TBC1D22A: variants seen among roughly 807,000 people sequenced by gnomAD.
TBC1D22A encodes the protein putative GTPase activator.
Under a neutral mutation model 60.2 loss-of-function variants are expected in TBC1D22A, and 38 were observed. The ratio of observed to expected loss-of-function variants is 0.63; its 90% CI spans 0.49 to 0.83. The LOEUF (loss-of-function observed/expected upper bound fraction) is 0.83, where lower values mean the gene tolerates loss of function less well. Ranked by LOEUF, TBC1D22A falls within the 40% of genes least tolerant of loss-of-function variation. The pLI, the probability that TBC1D22A is intolerant of heterozygous loss-of-function variation, is 0.00. For synonymous variants in TBC1D22A, 302 were observed against 281.7 expected (o/e 1.07, Z -0.72); for missense variants, 628 against 701.0 (o/e 0.90, Z 1.18).
At chr22:47,154,409 C>T (rs147359725) in intron 12 of TBC1D22A, among the ~76,000 whole-genome samples, 17 of 152,272 alleles carry the variant, frequency 1.1e-4, no homozygotes, top group Non-Finnish European at 2.1e-4. Flanking sequence ...TTGTCACGCG[C>T]GGGACACTGT....
intron 9 of TBC1D22A, among the ~76,000 whole-genome samples, chr22:46,991,661 A>G (rs145101071): frequency 0.013 from 2,042 of 152,236 alleles, 21 homozygotes; most frequent in Middle Eastern, 0.034. Flanking sequence ...CATTGTTTCT[A>G]CATCATCTTT....
At chr22:46,837,680 G>T (rs1225345554) in intron 4 of TBC1D22A, among the ~76,000 whole-genome samples, 1 of 152,194 alleles carries the variant, frequency 6.6e-6, no homozygotes, top group Non-Finnish European at 1.5e-5. Flanking sequence ...TGAGGCAAAT[G>T]AAAATGGAAA....
chr22:46,771,720 G>C (rs947433887), intron 1 of TBC1D22A, among the ~76,000 whole-genome samples: 1 of 151,688 alleles, frequency 6.6e-6, no homozygotes, highest in African/African-American at 2.4e-5. Flanking sequence ...TCAGCCTCCC[G>C]AGTGGCTGGG....
chr22:46,887,570 C>T (rs762831151), intron 5 of TBC1D22A, among the ~76,000 whole-genome samples: 10 of 152,134 alleles, frequency 6.6e-5, no homozygotes, highest in East Asian at 1.9e-4. Flanking sequence ...CAGTGTTATG[C>T]GACAGTGGAG....
intron 10 of TBC1D22A, among the ~76,000 whole-genome samples, chr22:47,014,841 G>A (rs988336136): frequency 6.6e-6 from 1 of 152,156 alleles, no homozygotes; most frequent in Non-Finnish European, 1.5e-5. Context: ...CCATGTGGGG[G>A]CCTCCCCCAG....
chr22:46,890,127 C>T (rs1247945521), intron 5 of TBC1D22A, among the ~76,000 whole-genome samples: 1 of 152,004 alleles, frequency 6.6e-6, no homozygotes, highest in Non-Finnish European at 1.5e-5. Context: ...GGGTGGATCA[C>T]GAGGTCAAGA....
intron 8 of TBC1D22A, among the ~76,000 whole-genome samples, chr22:46,941,053 A>G (rs71313072): frequency 6.8e-6 from 1 of 146,316 alleles, no homozygotes. Flanking sequence ...TAGCACACAT[A>G]TATATGTATA....
chr22:46,953,192 T>C (rs749429840), intron 8 of TBC1D22A, among the ~76,000 whole-genome samples: 1 of 152,234 alleles, frequency 6.6e-6, no homozygotes, highest in Non-Finnish European at 1.5e-5. Flanking sequence ...TATATCAATA[T>C]GAATTTTAAA....
intron 12 of TBC1D22A, among the ~76,000 whole-genome samples, chr22:47,169,942 T>C (rs2068366824): frequency 6.6e-6 from 1 of 152,246 alleles, no homozygotes; most frequent in African/African-American, 2.4e-5. Context: ...GGGAGAGCCA[T>C]GTCCCTGAAT....
At chr22:46,904,554 T>C (rs987350201) in intron 7 of TBC1D22A, among the ~76,000 whole-genome samples, 26 of 151,558 alleles carry the variant, frequency 1.7e-4, no homozygotes, top group African/African-American at 5.6e-4. Context: ...CAGCAACCTC[T>C]GCCTCCCGGG....
chr22:47,128,407 G>A (rs939578610), intron 12 of TBC1D22A, among the ~76,000 whole-genome samples: 19 of 130,288 alleles, frequency 1.5e-4, no homozygotes, highest in Non-Finnish European at 2.4e-4. Context: ...AGGGGAGGGA[G>A]GAGGAGCTGG....
At chr22:47,159,399 ACT>A (rs754167911) in intron 12 of TBC1D22A, among the ~76,000 whole-genome samples, 13 of 150,182 alleles carry the variant, frequency 8.7e-5, no homozygotes, top group Non-Finnish European at 1.3e-4. Context: ...CACACACCAC[ACT>A]CTCACCATGT....
chr22:46,954,379 G>A (rs559474835), intron 8 of TBC1D22A, among the ~76,000 whole-genome samples: 136 of 152,332 alleles, frequency 8.9e-4, no homozygotes, highest in Middle Eastern at 6.8e-3. Flanking sequence ...TCTTGGTTGG[G>A]GTGTGCTCAT....
intron 11 of TBC1D22A, among the ~76,000 whole-genome samples, chr22:47,091,198 TGGCTGCGTGTTG>T (rs2064943907): frequency 2.6e-5 from 3 of 113,950 alleles, no homozygotes; most frequent in African/African-American, 7.0e-5. Context: ...GCGGAGGGGG[TGGCTGCGTGTTG>T]ATAGAGACAG....
chr22:47,100,528 A>G (rs996849948), intron 11 of TBC1D22A, among the ~76,000 whole-genome samples: 1 of 152,114 alleles, frequency 6.6e-6, no homozygotes, highest in Admixed American at 6.5e-5. Context: ...GGGAGGTAAT[A>G]GAATCATGGG....
chr22:46,790,629 A>G (rs1281543885), intron 1 of TBC1D22A, among the ~76,000 whole-genome samples: 4 of 152,162 alleles, frequency 2.6e-5, no homozygotes. Context: ...TTACAAAAAG[A>G]AGAGGTACAA....
In TBC1D22A at chr22:47,009,132, C is replaced by T. The variant is rs2061674031; in HGVS notation, c.1201+11423C>T. On this transcript the variant is annotated intron_variant, in intron 10 of 12. Coordinates refer to ENST00000337137, the MANE Select transcript of TBC1D22A (RefSeq NM_014346.5). This position sits in a 1 kb window ranked among gnomAD's most constrained non-coding sequence, Gnocchi z 5.8. Reference sequence around the variant, plus strand: ...ATTGGCTTTGTGAGGAATGTCCCCACTCTAGCCCTTGTTTCCCCATGCATG... The same window carrying T: ...ATTGGCTTTGTGAGGAATGTCCCCATTCTAGCCCTTGTTTCCCCATGCATG... 6.6e-6 allele frequency among the ~76,000 whole-genome samples: 1 copy of T among 152,184 alleles called. No homozygotes were observed. The highest frequency in any genetic ancestry group is 1.5e-5 in the Non-Finnish European group (1 of 68,046).
intron 11 of TBC1D22A, among the ~76,000 whole-genome samples, chr22:47,041,305 T>G (rs1488132475): frequency 1.3e-5 from 2 of 152,188 alleles, no homozygotes; most frequent in Non-Finnish European, 2.9e-5. Flanking sequence ...TTGCAGGGGA[T>G]GAAAGATGGT....
chr22:47,142,986 T>C (rs2067163833), intron 12 of TBC1D22A, among the ~76,000 whole-genome samples: 1 of 150,046 alleles, frequency 6.7e-6, no homozygotes, highest in Non-Finnish European at 1.5e-5. Context: ...GGAGGCAGAC[T>C]CTGGTCCTGT....
Sources: gnomAD v4.1 joint callset for allele counts (sites outside exome capture counted in the v4.1 genomes callset) on GRCh38, gnomAD v4.1.1 for gene constraint, Gnocchi (gnomAD v3.1) non-coding constraint, MANE v1.5 for transcripts, NCBI Gene and HGNC (gene_info 2026-07-23, HGNC 2026-07-21) for gene names.